Variants in TMEM123 observed in about 807,000 individuals in gnomAD.
TMEM123 encodes transmembrane protein 123, also known as porimin.
TMEM123 carries 16 observed loss-of-function variants against 19.7 expected under a neutral mutation model. The observed-to-expected ratio is 0.81, with a 90% CI of 0.55 to 1.23. The LOEUF (loss-of-function observed/expected upper bound fraction) is 1.23, where lower values mean the gene tolerates loss of function less well. TMEM123 is among the 50% of genes most tolerant of loss of function. The pLI, the probability that TMEM123 is intolerant of heterozygous loss-of-function variation, is 0.00. For missense variants in TMEM123, 313 were observed against 257.8 expected (o/e 1.21, Z -1.47); for synonymous variants, 118 against 99.4 (o/e 1.19, Z -1.12).
At chr11:102,430,037 C>CCCCT (rs908394439) in intron 2 of TMEM123, among the ~76,000 whole-genome samples, 7 of 152,138 alleles carry the variant, frequency 4.6e-5, no homozygotes, top group Admixed American at 1.3e-4. Context: ...CTCTGTCCAT[C>CCCCT]CCCTTCCCCA....
At chr11:102,445,483 C>A (rs965237998) in intron 2 of TMEM123, among the ~76,000 whole-genome samples, 1 of 152,212 alleles carries the variant, frequency 6.6e-6, no homozygotes, top group African/African-American at 2.4e-5. Context: ...GACTGACTTA[C>A]AAACTCACAG....
At chr11:102,439,462 A>G (rs1466418333) in intron 2 of TMEM123, among the ~76,000 whole-genome samples, 1 of 152,190 alleles carries the variant, frequency 6.6e-6, no homozygotes, top group Non-Finnish European at 1.5e-5. Flanking sequence ...GCAAACTCCA[A>G]CAGACCTGCA....
At chr11:102,452,125 G>A (rs1397826514) in intron 1 of TMEM123, 1 of 161,504 alleles carries the variant, frequency 6.2e-6, no homozygotes, top group Non-Finnish European at 1.3e-5. Context: ...ACGTTTCCGC[G>A]GGCCTAGGTA....
Position 102,448,923 on chromosome 11 carries a change from G to A in TMEM123, c.101-55C>T, listed in dbSNP as rs1056457979. 7 of 1,558,416 alleles carry A rather than the reference G, an allele frequency of 4.5e-6. No individual in the cohort carries two copies. The African/African-American group carries it at 6.8e-5, about 15-fold the overall frequency. The stretch of plus-strand genomic sequence containing the variant: ...AAAGAACATTTAACTAAGAATACTG[G>A]CAGTATGTGGTTTTCTGCCTAGCGG... On this transcript the variant is annotated intron_variant, in intron 1 of 4. Coordinates refer to ENST00000398136, the MANE Select transcript of TMEM123 (RefSeq NM_052932.3).
At position 102,398,748 on chromosome 11, in the gene TMEM123, T is replaced by C. The variant is rs987368432; in HGVS notation, c.*119A>G. 1.0e-5 allele frequency: 10 copies of C among 991,842 alleles called. No individual in the cohort carries two copies. The East Asian group carries it at 2.0e-4, about 20-fold the overall frequency. 61.4% of individuals were successfully genotyped at this position (991,842 alleles called of 1,614,324 possible). On this transcript the variant is annotated 3_prime_UTR_variant, in exon 5 of 5. Transcript: ENST00000398136. ...TATTTACGTAATACACTGTACATTA[T>C]ATGCATGGCCTGTTTATACTATTTT...
At position 102,437,321 on chromosome 11, in the gene TMEM123, C is replaced by T. The variant is rs188478128; in HGVS notation, c.157+11491G>A. On this transcript the variant is annotated intron_variant, in intron 2 of 4. Coordinates refer to ENST00000398136, the MANE Select transcript of TMEM123 (RefSeq NM_052932.3). ...TTAAAATACAAAAATTAGCTGGGTG[C>T]GGTGGCACACACCAGTAATCTCAGC... Among the ~76,000 whole-genome samples, 383 of 152,026 alleles carry T rather than the reference C, an allele frequency of 2.5e-3. 1 individual carries two copies. Among genetic ancestry groups the T allele is most frequent in the South Asian group, 4.6e-3 (22 of 4,812 alleles).
At chr11:102,415,768 A>G (rs1952039729) in intron 2 of TMEM123, among the ~76,000 whole-genome samples, 1 of 152,218 alleles carries the variant, frequency 6.6e-6, no homozygotes, top group African/African-American at 2.4e-5. Flanking sequence ...TAGGGGAACT[A>G]GAAAAACAAA....
intron 2 of TMEM123, among the ~76,000 whole-genome samples, chr11:102,405,907 C>G (rs1373466024): frequency 1.3e-5 from 2 of 152,202 alleles, no homozygotes; most frequent in Non-Finnish European, 2.9e-5. Flanking sequence ...AACTGTGTTT[C>G]CTGATGCTTT....
At chr11:102,450,107 C>T (rs753966636) in intron 1 of TMEM123, among the ~76,000 whole-genome samples, 1 of 152,200 alleles carries the variant, frequency 6.6e-6, no homozygotes, top group Non-Finnish European at 1.5e-5. Context: ...TGATTAGTCC[C>T]AACCCCCCAT....
Position 102,401,657 on chromosome 11 carries a change from A to T in TMEM123, c.484T>A (p.Ser162Thr), listed in dbSNP as rs765275296. ...TTMHSEAKKGSKFDTGSFVGG... is the reference protein window; with the variant it reads ...TTMHSEAKKGTKFDTGSFVGG... ...ACAAAGCTCCCAGTATCAAATTTTGATCCTTTCTTTGCTTCAGAATGCATA... is the reference window on the plus strand; with the variant it reads ...ACAAAGCTCCCAGTATCAAATTTTGTTCCTTTCTTTGCTTCAGAATGCATA... Residue 162 changes from serine to threonine, a missense_variant, in exon 4 of 5, where the codon TCA becomes ACA. Ser to Thr is a moderately conservative substitution (Grantham distance 58, BLOSUM62 1). Coordinates refer to ENST00000398136, the MANE Select transcript of TMEM123 (RefSeq NM_052932.3). 2.3e-5 allele frequency: 37 copies of T among 1,606,652 alleles called. No individual in the cohort carries two copies. The highest frequency in any genetic ancestry group is 8.5e-7 in the Non-Finnish European group (1 of 1,178,394).
At chr11:102,406,439 C>T (rs971395769) in intron 2 of TMEM123, among the ~76,000 whole-genome samples, 1 of 152,168 alleles carries the variant, frequency 6.6e-6, no homozygotes, top group African/African-American at 2.4e-5. Context: ...GACACTGTGA[C>T]TGAGCTCTAT....
At chr11:102,409,576 A>T (rs1214207767) in intron 2 of TMEM123, among the ~76,000 whole-genome samples, 2 of 152,010 alleles carry the variant, frequency 1.3e-5, no homozygotes, top group Admixed American at 1.3e-4. Flanking sequence ...CTTTTAAAAA[A>T]CCTAGACAGG....
At chr11:102,441,196 A>C (rs1038092749) in intron 2 of TMEM123, among the ~76,000 whole-genome samples, 5 of 152,214 alleles carry the variant, frequency 3.3e-5, no homozygotes, top group African/African-American at 9.6e-5. Context: ...AAGCGGACCT[A>C]ATAGACATCT....
At chr11:102,436,684 T>C (rs1441016830) in intron 2 of TMEM123, among the ~76,000 whole-genome samples, 1 of 147,500 alleles carries the variant, frequency 6.8e-6, no homozygotes, top group Non-Finnish European at 1.5e-5. Context: ...CTGGGAAAAA[T>C]TATTCGTGAG....
chr11:102,451,363 C>A (rs562558220), intron 1 of TMEM123: 2 of 152,236 alleles, frequency 1.3e-5, no homozygotes, highest in African/African-American at 4.8e-5. Flanking sequence ...CTTAAATGAT[C>A]TCAAAATTAG....
At chr11:102,421,335 T>A (rs1952085493) in intron 2 of TMEM123, among the ~76,000 whole-genome samples, 1 of 152,158 alleles carries the variant, frequency 6.6e-6, no homozygotes, top group African/African-American at 2.4e-5. Flanking sequence ...TCTGGAATAT[T>A]TTGAAATAAC....
chr11:102,452,547 G>T lies in TMEM123; in HGVS notation c.77C>A (p.Ala26Asp), dbSNP rs1438258887. Residue 26 changes from alanine to aspartate, a missense_variant, in exon 1 of 5, where the codon GCC becomes GAC. Ala to Asp is a moderately radical substitution (Grantham distance 126). Coordinates refer to ENST00000398136, the MANE Select transcript of TMEM123 (RefSeq NM_052932.3). ...TLQVLALLGA[A>D]HESAAMAASA... ...ACCCGCCATGGCTGCGCTTTCATGG[G>T]CGGCCCCCAGCAGCGCTAGCACCTG... 3.2e-6 allele frequency: 5 copies of T among 1,561,936 alleles called. No homozygotes were observed.
chr11:102,435,152 C>T (rs1166054852), intron 2 of TMEM123, among the ~76,000 whole-genome samples: 5 of 151,800 alleles, frequency 3.3e-5, no homozygotes, highest in Admixed American at 2.6e-4. Context: ...CCAGCTTGGG[C>T]GACAAAGCAA....
intron 2 of TMEM123, among the ~76,000 whole-genome samples, chr11:102,410,343 AGAGAGGGT>A (rs1179819013): frequency 6.6e-6 from 1 of 152,108 alleles, no homozygotes; most frequent in Non-Finnish European, 1.5e-5. Context: ...GAAGCTGAGC[AGAGAGGGT>A]GAGAAAAGCA....
Sources: allele counts gnomAD v4.1 joint callset (sites outside exome capture counted in the v4.1 genomes callset), GRCh38; gene constraint gnomAD v4.1.1; transcripts MANE v1.5; gene names NCBI Gene and HGNC (gene_info 2026-07-23, HGNC 2026-07-21).